RXFP1: variants seen among roughly 807,000 people sequenced by gnomAD.
RXFP1 encodes relaxin family peptide receptor 1, also known as relaxin receptor 1.
A neutral mutation model predicts 89.8 loss-of-function variants in RXFP1; 73 were observed. The ratio of observed to expected loss-of-function variants is 0.81; its 90% CI spans 0.67 to 0.99. RXFP1 has a LOEUF of 0.99. Ranked by LOEUF, RXFP1 falls within the 50% of genes least tolerant of loss-of-function variation. The pLI is 0.00. For missense variants in RXFP1, 793 were observed against 895.5 expected, an observed-to-expected ratio of 0.89 and a Z score of 1.46; for synonymous variants, 277 against 305.5, an observed-to-expected ratio of 0.91 and a Z score of 0.97.
chr4:158,528,101 T>A (rs1743039158), intron 1 of RXFP1, among the ~76,000 whole-genome samples: 1 of 152,154 alleles, frequency 6.6e-6, no homozygotes, highest in Non-Finnish European at 1.5e-5. Context: ...GGAAAAACAT[T>A]TAAATCATTC....
At chr4:158,529,244 T>TTTTG (rs756051922) in intron 1 of RXFP1, among the ~76,000 whole-genome samples, 4,157 of 110,038 alleles carry the variant, frequency 0.038, 93 homozygotes, top group Non-Finnish European at 0.053. Flanking sequence ...TTGCTTGTTT[T>TTTTG]TTGTTGTTGT....
intron 2 of RXFP1, among the ~76,000 whole-genome samples, chr4:158,574,072 G>A (rs1755715007): frequency 6.6e-6 from 1 of 152,144 alleles, no homozygotes; most frequent in South Asian, 2.1e-4. Flanking sequence ...TTAGAATTTT[G>A]TTCAAACTTC....
chr4:158,543,284 A>G lies in RXFP1; in HGVS notation c.49+21259A>G, dbSNP rs919722679. ...ACTCCTAATAGATGGAAAGATGGCTACTGTCACTCCAGACATCAAGTTCAT... is the reference window on the plus strand; with the variant it reads ...ACTCCTAATAGATGGAAAGATGGCTGCTGTCACTCCAGACATCAAGTTCAT... On this transcript the variant is annotated intron_variant, in intron 1 of 17. Transcript: ENST00000307765. Among the ~76,000 whole-genome samples the G allele has an allele frequency of 3.3e-5, 5 of 152,216 alleles. 1 individual carries two copies. Among genetic ancestry groups the G allele is most frequent in the Admixed American group, 2.6e-4 (4 of 15,284 alleles).
chr4:158,560,687 G>T (rs555725072), intron 1 of RXFP1, among the ~76,000 whole-genome samples: 1 of 152,294 alleles, frequency 6.6e-6, no homozygotes, highest in African/African-American at 2.4e-5. Context: ...CAGCACGTGT[G>T]TTGCCTCATA....
At chr4:158,563,743 A>G (rs984159438) in intron 1 of RXFP1, among the ~76,000 whole-genome samples, 1 of 151,878 alleles carries the variant, frequency 6.6e-6, no homozygotes, top group Admixed American at 6.6e-5. Flanking sequence ...TCAGTTAGCA[A>G]TGGAACAGAC....
intron 9 of RXFP1, among the ~76,000 whole-genome samples, chr4:158,619,032 C>T (rs190328656): frequency 1.0e-3 from 159 of 151,898 alleles, no homozygotes; most frequent in Non-Finnish European, 1.9e-3. Context: ...GATGGGAATA[C>T]ATAATAGTGC....
chr4:158,570,862 T>G (rs932473530), intron 1 of RXFP1, among the ~76,000 whole-genome samples: 5 of 152,168 alleles, frequency 3.3e-5, no homozygotes, highest in African/African-American at 1.2e-4. Context: ...CTCATGTCAC[T>G]TGTCCCTGCT....
At chr4:158,567,214 C>T (rs1227597750) in intron 1 of RXFP1, among the ~76,000 whole-genome samples, 1 of 152,178 alleles carries the variant, frequency 6.6e-6, no homozygotes, top group Non-Finnish European at 1.5e-5. Flanking sequence ...ACAGCCGGAG[C>T]CTCCCCGACG....
intron 1 of RXFP1, among the ~76,000 whole-genome samples, chr4:158,557,483 TTAAGTA>T (rs1240831305): frequency 6.6e-6 from 1 of 152,142 alleles, no homozygotes; most frequent in Non-Finnish European, 1.5e-5. Flanking sequence ...ATAAATTCCT[TTAAGTA>T]TGAGTGTATT....
At chr4:158,583,470 C>T (rs1274242261) in intron 2 of RXFP1, among the ~76,000 whole-genome samples, 1 of 152,150 alleles carries the variant, frequency 6.6e-6, no homozygotes, top group Non-Finnish European at 1.5e-5. Flanking sequence ...ATCAAAATAT[C>T]TTATATGCCC....
chr4:158,610,040 A>T (rs938836542), intron 6 of RXFP1, among the ~76,000 whole-genome samples: 6 of 152,098 alleles, frequency 3.9e-5, no homozygotes, highest in Admixed American at 3.9e-4. Flanking sequence ...CTGAGGTGGA[A>T]GGATCACGAG....
chr4:158,558,171 T>G (rs1289929416), intron 1 of RXFP1, among the ~76,000 whole-genome samples: 3 of 152,202 alleles, frequency 2.0e-5, no homozygotes, highest in African/African-American at 4.8e-5. Flanking sequence ...GTAAATAAGT[T>G]TACTTTTTAA....
rs372645837 is a variant in RXFP1 at position 158,534,490 on chromosome 4, G to A, written c.49+12465G>A. Reference sequence around the variant, plus strand: ...TCGAACTCCTGACCTCAGGTGATCCGCCCGCCTCGGCCTCCCAAAGTGCTG... The same window carrying A: ...TCGAACTCCTGACCTCAGGTGATCCACCCGCCTCGGCCTCCCAAAGTGCTG... On this transcript the variant is annotated intron_variant, in intron 1 of 17. Coordinates refer to ENST00000307765, the MANE Select transcript of RXFP1 (RefSeq NM_021634.4). Among the ~76,000 whole-genome samples the A allele has an allele frequency of 3.9e-4, 60 of 152,006 alleles. No individual in the cohort carries two copies. In the East Asian group the frequency reaches 4.3e-3, roughly 11 times the overall value.
At chr4:158,548,365 C>T (rs1240343640) in intron 1 of RXFP1, among the ~76,000 whole-genome samples, 1 of 152,122 alleles carries the variant, frequency 6.6e-6, no homozygotes, top group Non-Finnish European at 1.5e-5. Context: ...AGATGGGTTT[C>T]CTGAATACAG....
At chr4:158,529,088 G>A (rs1455392024) in intron 1 of RXFP1, among the ~76,000 whole-genome samples, 3 of 152,140 alleles carry the variant, frequency 2.0e-5, no homozygotes, top group Admixed American at 6.5e-5. Context: ...CCTTTGTGGG[G>A]ATTGAAAGGA....
At chr4:158,549,069 C>A (rs904720795) in intron 1 of RXFP1, among the ~76,000 whole-genome samples, 33 of 150,364 alleles carry the variant, frequency 2.2e-4, no homozygotes, top group African/African-American at 7.8e-4. Flanking sequence ...TCCATTCTCC[C>A]CATCACTTTC....
At chr4:158,538,269 A>C (rs886558783) in intron 1 of RXFP1, among the ~76,000 whole-genome samples, 1 of 152,192 alleles carries the variant, frequency 6.6e-6, no homozygotes, top group African/African-American at 2.4e-5. Context: ...TGCTGTGTGG[A>C]GAACAGGATG....
intron 2 of RXFP1, among the ~76,000 whole-genome samples, chr4:158,592,270 C>A (rs1759629029): frequency 6.6e-6 from 1 of 152,166 alleles, no homozygotes; most frequent in South Asian, 2.1e-4. Context: ...GTCATGTTTT[C>A]TTTCTTTCTT....
chr4:158,599,419 A>G lies in RXFP1; in HGVS notation c.380A>G (p.Asn127Ser). The G allele has an allele frequency of 6.2e-7, 1 of 1,613,310 alleles. No individual in the cohort carries two copies. The highest frequency in any genetic ancestry group is 8.5e-7 in the Non-Finnish European group (1 of 1,179,494). Residue 127 changes from asparagine (N) to serine (S), a missense_variant, in exon 4 of 18, where the codon AAT becomes AGT. By Grantham distance (46) the Asn-to-Ser change is conservative. Coordinates refer to ENST00000307765, the MANE Select transcript of RXFP1 (RefSeq NM_021634.4). Reference protein sequence around the residue: ...NLRAVPSVSSNVTAMSLQWNL... With the variant: ...NLRAVPSVSSSVTAMSLQWNL... ...CGAGCTGTTCCATCGGTTTCTTCAA[A>G]TGTGACTGCAATGTAAGTAGAAAAG...
Sources: allele counts gnomAD v4.1 joint callset (sites outside exome capture counted in the v4.1 genomes callset), GRCh38; gene constraint gnomAD v4.1.1; transcripts MANE v1.5; gene names NCBI Gene and HGNC (gene_info 2026-07-23, HGNC 2026-07-21).